The following ALX4 variants were observed in gnomAD, a reference collection of about 807,000 sequenced individuals.
The protein encoded by ALX4 is ALX homeobox 4.
ALX4 carries 22 observed loss-of-function variants against 40.6 expected under a neutral mutation model. The observed-to-expected ratio is 0.54, with a 90% CI of 0.39 to 0.77. The LOEUF is 0.77. Among genes scored for constraint, ALX4 ranks in the 30% least tolerant of loss-of-function variants. ALX4 has a pLI of 0.00. For synonymous variants in ALX4, 266 were observed against 240.5 expected, an observed-to-expected ratio of 1.11 and a Z score of -0.98; for missense variants, 556 against 564.8, an observed-to-expected ratio of 0.98 and a Z score of 0.16.
chr11:44,269,261 A>G (rs979215815), intron 2 of ALX4, among the ~76,000 whole-genome samples: 10 of 152,240 alleles, frequency 6.6e-5, no homozygotes, highest in African/African-American at 2.4e-4. Flanking sequence ...TGCATGGCGA[A>G]TGGTACCTCA....
In ALX4 at chr11:44,309,887, T is replaced by A; in HGVS notation, c.176A>T (p.Asp59Val). The A allele has an allele frequency of 6.3e-7, 1 of 1,579,330 alleles. No homozygotes were observed. The highest frequency in any genetic ancestry group is 8.6e-7 in the Non-Finnish European group (1 of 1,161,944). The change falls in exon 1 of 4, where the codon GAC (aspartate) becomes GTC (valine). Residue 59 changes from aspartate to valine, a missense_variant. Physicochemically the swap from Asp to Val is radical, Grantham distance 152. Transcript: ENST00000652299. ...SAAAKAQGFGDAKSRARYGAG... is the reference protein window; with the variant it reads ...SAAAKAQGFGVAKSRARYGAG... Reference sequence around the variant, plus strand: ...GCCGTAACGGGCCCGGCTCTTGGCGTCCCCGAATCCCTGTGCTTTGGCGGC... The same window carrying A: ...GCCGTAACGGGCCCGGCTCTTGGCGACCCCGAATCCCTGTGCTTTGGCGGC...
chr11:44,280,053 C>T (rs926300311), intron 1 of ALX4, among the ~76,000 whole-genome samples: 6 of 152,200 alleles, frequency 3.9e-5, no homozygotes, highest in South Asian at 2.1e-4. Context: ...ATGAACCAAC[C>T]GCCTCATCCT....
chr11:44,296,650 C>G (rs1050564167), intron 1 of ALX4, among the ~76,000 whole-genome samples: 11 of 152,178 alleles, frequency 7.2e-5, no homozygotes, highest in African/African-American at 2.7e-4. Flanking sequence ...CTTGAATACA[C>G]TTCTCCAAAG....
intron 1 of ALX4, among the ~76,000 whole-genome samples, chr11:44,308,856 C>A (rs557651323): frequency 4.6e-5 from 7 of 152,364 alleles, no homozygotes; most frequent in African/African-American, 1.4e-4. Context: ...AGAGGCCTGC[C>A]GCCTCCAAGA....
At position 44,275,440 on chromosome 11, in the gene ALX4, G is replaced by T. The variant is rs780739319; in HGVS notation, c.685C>A (p.Leu229Met). 1 of 1,614,206 alleles carries T rather than the reference G, an allele frequency of 6.2e-7. No individual in the cohort carries two copies. Among genetic ancestry groups the T allele is most frequent in the East Asian group, 2.2e-5 (1 of 44,880 alleles). The change falls in exon 2 of 4, where the codon CTG becomes ATG. Residue 229 changes from leucine (L) to methionine (M), a missense_variant. Leu to Met is a conservative substitution (Grantham distance 15). Transcript: ENST00000652299. ...TGGGTCTTCTGGAAGACCTTCTCCA[G>T]CTCCTCCAGCTGGTAGCTGGTGAAG... ...TTFTSYQLEELEKVFQKTHYP... is the reference protein window; with the variant it reads ...TTFTSYQLEEMEKVFQKTHYP...
intron 2 of ALX4, among the ~76,000 whole-genome samples, chr11:44,267,848 C>A (rs1003199537): frequency 6.6e-6 from 1 of 152,202 alleles, no homozygotes; most frequent in Non-Finnish European, 1.5e-5. Context: ...TAGCCATGGG[C>A]GTGATCCTGA....
At chr11:44,305,046 G>A (rs1421092190) in intron 1 of ALX4, among the ~76,000 whole-genome samples, 1 of 152,196 alleles carries the variant, frequency 6.6e-6, no homozygotes, top group African/African-American at 2.4e-5. Context: ...GTGCTCCGAA[G>A]TATCTTCTGA....
At chr11:44,275,752 C>A in intron 1 of ALX4, 94 bp from the exon 2 acceptor site, 1 of 1,250,504 alleles carries the variant, frequency 8.0e-7, no homozygotes, top group Non-Finnish European at 1.1e-6. Context: ...GGGTAGCCAC[C>A]CCCTGCCTTT....
chr11:44,270,887 TGGCCCAGGGCGGGGA>T (rs1046439812), intron 2 of ALX4, among the ~76,000 whole-genome samples: 19 of 152,054 alleles, frequency 1.2e-4, no homozygotes, highest in African/African-American at 2.9e-4. Flanking sequence ...CAGGGCGGGG[TGGCCCAGGGCGGGGA>T]GGCCTCTGTC....
intron 1 of ALX4, among the ~76,000 whole-genome samples, chr11:44,297,192 G>C (rs1003220894): frequency 2.0e-5 from 3 of 152,098 alleles, no homozygotes; most frequent in African/African-American, 7.2e-5. Flanking sequence ...ACAATATTGT[G>C]GGTGTACTTA....
chr11:44,297,722 T>TAATAA (rs10542746), intron 1 of ALX4, among the ~76,000 whole-genome samples: 12 of 150,628 alleles, frequency 8.0e-5, no homozygotes, highest in African/African-American at 1.7e-4. Context: ...TCTCAAAAAA[T>TAATAA]AATAAAATAA....
rs151214135 is a variant in ALX4 at position 44,263,882 on chromosome 11, G to A, written c.*972C>T. On this transcript the variant is annotated 3_prime_UTR_variant, in exon 4 of 4. Transcript: ENST00000652299. ...GGCCAGGGTAGGGCAGGGAAGAGAC[G>A]AGCCCCTCCGCATCCTCCTGGAGGG... 0.017 allele frequency: 2,608 copies of A among 152,462 alleles called. 40 individuals carry two copies. Among genetic ancestry groups the A allele is most frequent in the South Asian group, 0.037 (179 of 4,830 alleles). The allele number at this position is 152,462 out of a possible 1,614,324, so 9.4% of individuals were successfully genotyped here.
chr11:44,294,075 C>T (rs899552376), intron 1 of ALX4, among the ~76,000 whole-genome samples: 3 of 152,232 alleles, frequency 2.0e-5, no homozygotes, highest in African/African-American at 7.2e-5. Context: ...GGCATGAGGG[C>T]ATCCAGGCAG....
intron 3 of ALX4, among the ~76,000 whole-genome samples, chr11:44,266,490 T>C (rs1956214681): frequency 6.6e-6 from 1 of 152,170 alleles, no homozygotes; most frequent in Admixed American, 6.5e-5. Flanking sequence ...CCATGAATCC[T>C]GGGCTGGGGG....
chr11:44,276,656 C>A (rs1274334869), intron 1 of ALX4, among the ~76,000 whole-genome samples: 1 of 152,190 alleles, frequency 6.6e-6, no homozygotes, highest in African/African-American at 2.4e-5. Context: ...CAGTCCCTAC[C>A]TTTTTGGCAC....
chr11:44,302,564 C>A (rs986200145), intron 1 of ALX4, among the ~76,000 whole-genome samples: 1 of 152,200 alleles, frequency 6.6e-6, no homozygotes, highest in South Asian at 2.1e-4. Flanking sequence ...GGAGAAGGTC[C>A]GCCCAGGGAA....
chr11:44,309,776 G>T lies in ALX4; in HGVS notation c.287C>A (p.Thr96Asn). The T allele has an allele frequency of 1.3e-6, 2 of 1,546,580 alleles. No individual in the cohort carries two copies. The highest frequency in any genetic ancestry group is 3.8e-4 in the Middle Eastern group (2 of 5,264). ...SFNKFQPQPS[T>N]PQPQPPPQPQ... ...CTGCGGCGGCGGCTGGGGCTGCGGG[G>T]TCGACGGCTGGGGCTGGAACTTGTT... is the stretch of plus-strand genomic sequence containing the variant. Residue 96 changes from threonine (T) to asparagine (N), a missense_variant, in exon 1 of 4, where the codon ACC becomes AAC. Coordinates refer to ENST00000652299, the MANE Select transcript of ALX4 (RefSeq NM_021926.4).
Position 44,264,884 on chromosome 11 carries a change from C to T in ALX4, c.1206G>A (p.Glu402=), listed in dbSNP as rs375068808. Reference sequence around the variant, plus strand: ...TGGCCCAGGAAATGGCCGCACTGTGCTCCTTGGCCTTCATGCGGAGGGCCG... The same window carrying T: ...TGGCCCAGGAAATGGCCGCACTGTGTTCCTTGGCCTTCATGCGGAGGGCCG... ...SIAALRMKAK[E]HSAAISWAT Residue 402 remains glutamate (E), a synonymous_variant, in exon 4 of 4, where the codon GAG becomes GAA. Transcript: ENST00000652299. 95 of 1,612,894 alleles carry T rather than the reference C, an allele frequency of 5.9e-5. No homozygotes were observed. Among genetic ancestry groups the T allele is most frequent in the Non-Finnish European group, 7.8e-5 (92 of 1,179,948 alleles).
Position 44,275,460 on chromosome 11 carries a change from G to C in ALX4, c.665C>G (p.Thr222Ser). The change falls in exon 2 of 4, where the codon ACC becomes AGC. Residue 222 changes from threonine to serine, a missense_variant. Physicochemically the swap from Thr to Ser is moderately conservative, Grantham distance 58 (BLOSUM62 1). Coordinates refer to ENST00000652299, the MANE Select transcript of ALX4 (RefSeq NM_021926.4). ...CTCCAGCTCCTCCAGCTGGTAGCTG[G>C]TGAAGGTGGTCCGGTTCCGCCGCTT... ...GKKRRNRTTF[T>S]SYQLEELEKV... is the part of the protein sequence containing the mutation. 1 of 1,614,180 alleles carries C rather than the reference G, an allele frequency of 6.2e-7. No individual in the cohort carries two copies. Among genetic ancestry groups the C allele is most frequent in the South Asian group, 1.1e-5 (1 of 91,082 alleles).
Sources: allele counts gnomAD v4.1 joint callset (sites outside exome capture counted in the v4.1 genomes callset), GRCh38; gene constraint gnomAD v4.1.1; transcripts MANE v1.5; gene names NCBI Gene and HGNC (gene_info 2026-07-23, HGNC 2026-07-21).